Variants in MYH3 observed in about 807,000 individuals in gnomAD.
MYH3 encodes myosin heavy chain 3, also known as myosin-3.
In MYH3, 130 loss-of-function variants were observed where a neutral mutation model predicts 238.0. The ratio of observed to expected loss-of-function variants is 0.55; its 90% CI spans 0.47 to 0.63. The LOEUF (loss-of-function observed/expected upper bound fraction) is 0.63, where lower values mean the gene tolerates loss of function less well. MYH3 is among the 30% of genes least tolerant of loss of function. MYH3 has a pLI of 0.00. For synonymous variants in MYH3, 880 were observed against 924.1 expected (o/e 0.95, Z 0.86); for missense variants, 1,853 against 2,374.9 (o/e 0.78, Z 4.57).
chr17:10,649,804 C>T, intron 6 of MYH3, 119 bp from the exon 7 acceptor site: 2 of 901,944 alleles, frequency 2.2e-6, no homozygotes, highest in Admixed American at 1.8e-5. Context: ...ACACTCACCA[C>T]ACTAATGTGA....
chr17:10,638,798 A>G, intron 26 of MYH3, 75 bp downstream of exon 26: 3 of 1,463,676 alleles, frequency 2.0e-6, no homozygotes, highest in Non-Finnish European at 1.9e-6. Context: ...CTTTCTCTAA[A>G]TGGCTTATAG....
rs2074204544 is a variant in MYH3, at chr17:10,635,405, C to T, written c.4134G>A (p.Thr1378=). Reference sequence around the variant, plus strand: ...GCTCTTCTGTGCGCTGGATGGCGTCCGTCTCGTATTTGGTTCTCCACTGGG... The same window carrying T: ...GCTCTTCTGTGCGCTGGATGGCGTCTGTCTCGTATTTGGTTCTCCACTGGG... ...EVAQWRTKYE[T]DAIQRTEELE... The change falls in exon 30 of 41, where the codon ACG becomes ACA. Residue 1378 remains threonine, a synonymous_variant. Coordinates refer to ENST00000583535, the MANE Select transcript of MYH3 (RefSeq NM_002470.4). 3.7e-6 allele frequency: 6 copies of T among 1,614,016 alleles called. No homozygotes were observed. Among genetic ancestry groups the T allele is most frequent in the East Asian group, 2.2e-5 (1 of 44,882 alleles).
intron 5 of MYH3, among the ~76,000 whole-genome samples, chr17:10,650,649 G>A (rs368403041): frequency 6.6e-6 from 1 of 152,158 alleles, no homozygotes; most frequent in Non-Finnish European, 1.5e-5. Context: ...TTATATGGCA[G>A]AATGATTAAA....
At chr17:10,631,564 C>T (rs758122216) in intron 36 of MYH3, 47 bp downstream of exon 36, 1 of 1,613,962 alleles carries the variant, frequency 6.2e-7, no homozygotes, top group East Asian at 2.2e-5. Flanking sequence ...GGCTTTAATG[C>T]AATGCAATCC....
chr17:10,671,307 TG>T, the MYH3 span, among the ~76,000 whole-genome samples: 1 of 152,202 alleles, frequency 6.6e-6, no homozygotes, highest in African/African-American at 2.4e-5. Context: ...TGCATATCTA[TG>T]ATTCTGTTAA....
chr17:10,634,024 G>C lies in MYH3; in HGVS notation c.4515C>G (p.Asn1505Lys), dbSNP rs1478332093. ...GGGTTTCGAATAGCTTACGCTCTAAGTTCTTATTTTCCCGTTTCACAGTTT... is the reference window on the plus strand; with the variant it reads ...GGGTTTCGAATAGCTTACGCTCTAACTTCTTATTTTCCCGTTTCACAGTTT... ...QLETVKRENK[N>K]LEQEIADLTE... is the part of the protein sequence containing the mutation. The change falls in exon 32 of 41, where the codon AAC becomes AAG. Residue 1505 changes from asparagine (N) to lysine (K), a missense_variant. By Grantham distance (94) the Asn-to-Lys change is moderately conservative. Coordinates refer to ENST00000583535, the MANE Select transcript of MYH3 (RefSeq NM_002470.4). 2 of 1,614,004 alleles carry C rather than the reference G, an allele frequency of 1.2e-6. No individual in the cohort carries two copies. The highest frequency in any genetic ancestry group is 4.5e-5 in the East Asian group (2 of 44,878).
In MYH3 at chr17:10,647,276, A is replaced by T; in HGVS notation, c.804T>A (p.Leu268=). The T allele has an allele frequency of 6.2e-7, 1 of 1,614,082 alleles. No individual in the cohort carries two copies. The highest frequency in any genetic ancestry group is 2.2e-5 in the East Asian group (1 of 44,864). Residue 268 remains leucine, a synonymous_variant, in exon 10 of 41, where the codon CTT becomes CTA. Transcript: ENST00000583535. ...GGAAAGTGACTCTTGATTTTTCCAG[A>T]AGATCTGGAACACAAACACAGGACT... ...KLASADIETY[L]LEKSRVTFQL... is the part of the protein sequence containing the mutation.
chr17:10,632,006 A>G lies in MYH3; in HGVS notation c.4967T>C (p.Leu1656Pro). ...SVQGQLKDTQ[L>P]HLDDALRGQE... is the part of the protein sequence containing the mutation. ...GCCCCGGAGGGCATCATCCAGGTGGAGCTGCGTATCCTAGCCAGAGAAAAA... is the reference window on the plus strand; with the variant it reads ...GCCCCGGAGGGCATCATCCAGGTGGGGCTGCGTATCCTAGCCAGAGAAAAA... Residue 1656 changes from leucine to proline, a missense_variant, in exon 35 of 41, where the codon CTC becomes CCC. By Grantham distance (98) the Leu-to-Pro change is moderately conservative (BLOSUM62 -3). This residue lies in a region of MYH3 where 1,044 missense variants were observed against 1,192.6 expected (regional missense o/e 0.88). Coordinates refer to ENST00000583535, the MANE Select transcript of MYH3 (RefSeq NM_002470.4). The G allele has an allele frequency of 6.2e-7, 1 of 1,613,526 alleles. No individual in the cohort carries two copies. The highest frequency in any genetic ancestry group is 1.1e-5 in the South Asian group (1 of 91,048).
In MYH3 at chr17:10,634,176, C is replaced by T. The variant is rs777454111; in HGVS notation, c.4363G>A (p.Ala1455Thr). The change falls in exon 32 of 41, where the codon GCA becomes ACA. Residue 1455 changes from alanine to threonine, a missense_variant. Ala to Thr is a moderately conservative substitution (Grantham distance 58). Coordinates refer to ENST00000583535, the MANE Select transcript of MYH3 (RefSeq NM_002470.4). ...KKQRNFDKVLAEWKTKCEESQ... is the reference protein window; with the variant it reads ...KKQRNFDKVLTEWKTKCEESQ... ...TCCTCACACTTTGTCTTCCACTCTG[C>T]CAACACCTGAAACACCGGACGGAAG... is the stretch of plus-strand genomic sequence containing the variant. 6.2e-6 allele frequency: 10 copies of T among 1,614,076 alleles called. No individual in the cohort carries two copies. In the South Asian group the frequency reaches 6.6e-5, roughly 11 times the overall value.
rs769237086 is a variant in MYH3, at chr17:10,639,157, G to A, written c.3135C>T (p.Leu1045=). The A allele has an allele frequency of 1.2e-6, 2 of 1,614,088 alleles. No homozygotes were observed. Among genetic ancestry groups the A allele is most frequent in the African/African-American group, 1.3e-5 (1 of 75,040 alleles). The change falls in exon 25 of 41, where the codon CTC becomes CTT. Residue 1045 remains leucine, a synonymous_variant. Transcript: ENST00000583535. ...TTTTGTTCCTTTCCAGGTCTACTCG[G>A]AGCTTCTTTTCTTGTTCTAGGGAGC... ...LESSLEQEKK[L]RVDLERNKRK...
chr17:10,651,461 C>T, intron 5 of MYH3, 51 bp downstream of exon 5: 1 of 1,611,738 alleles, frequency 6.2e-7, no homozygotes, highest in Non-Finnish European at 8.5e-7. Context: ...CTGCCGCTCG[C>T]CTCATGCAGT....
chr17:10,637,433 G>A (rs1300566138), intron 28 of MYH3, among the ~76,000 whole-genome samples: 1 of 152,106 alleles, frequency 6.6e-6, no homozygotes, highest in South Asian at 2.1e-4. Context: ...CAAAAACTTG[G>A]ACGCAGACAA....
the MYH3 span, among the ~76,000 whole-genome samples, chr17:10,666,714 A>G: frequency 1.3e-5 from 2 of 152,274 alleles, no homozygotes; most frequent in East Asian, 1.9e-4. Context: ...GTGAGCTACA[A>G]TCACGCCACT....
the MYH3 span, among the ~76,000 whole-genome samples, chr17:10,670,065 G>T: frequency 6.6e-6 from 1 of 152,212 alleles, no homozygotes; most frequent in Non-Finnish European, 1.5e-5. The surrounding 1 kb of genome is among the most constrained non-coding windows in gnomAD (Gnocchi z 7.0). Flanking sequence ...AGAGGCAGCT[G>T]GGTTATCAGT....
At chr17:10,677,733 G>C in the MYH3 span, 1 of 152,170 alleles carries the variant, frequency 6.6e-6, no homozygotes, top group African/African-American at 2.4e-5. Context: ...TAAACAAGTG[G>C]CATTTCTTAA....
rs1597486586 is a variant in MYH3, at chr17:10,640,368, G to A, written c.2391C>T (p.Leu797=). 3 of 1,614,228 alleles carry A rather than the reference G, an allele frequency of 1.9e-6. No individual in the cohort carries two copies. The change falls in exon 21 of 41, where the codon CTC becomes CTT. Residue 797 remains leucine, a synonymous_variant. Transcript: ENST00000583535. ...TRTQAVCRGF[L]MRVEFQKMVQ... is the part of the protein sequence containing the mutation. Reference sequence around the variant, plus strand: ...CCATCTTCTGGAATTCCACACGCATGAGGAACCCTCTGCACACAGCTTGTG... The same window carrying A: ...CCATCTTCTGGAATTCCACACGCATAAGGAACCCTCTGCACACAGCTTGTG...
chr17:10,663,448 C>A, the MYH3 span, among the ~76,000 whole-genome samples: 1 of 152,182 alleles, frequency 6.6e-6, no homozygotes, highest in South Asian at 2.1e-4. Flanking sequence ...AGGAAGAGTG[C>A]TCGAGAAGTC....
In MYH3 at chr17:10,645,859, G is replaced by A; in HGVS notation, c.1003-14C>T. The A allele has an allele frequency of 6.2e-7, 1 of 1,613,916 alleles. No individual in the cohort carries two copies. The highest frequency in any genetic ancestry group is 1.1e-5 in the South Asian group (1 of 91,068). ...GTCAATGGCGCTCTGGCATGGAAAGGGCAGCACGTCAGTCAGTTGGCCCCA... is the reference window on the plus strand; with the variant it reads ...GTCAATGGCGCTCTGGCATGGAAAGAGCAGCACGTCAGTCAGTTGGCCCCA... On this transcript the variant is annotated splice_polypyrimidine_tract_variant and intron_variant, in intron 11 of 40. Transcript: ENST00000583535.
intron 14 of MYH3, among the ~76,000 whole-genome samples, chr17:10,643,685 C>T (rs2074294064): frequency 6.6e-6 from 1 of 152,172 alleles, no homozygotes; most frequent in African/African-American, 2.4e-5. Flanking sequence ...CGGCTATGCA[C>T]GGTCTAACAC....
Sources: allele counts gnomAD v4.1 joint callset (sites outside exome capture counted in the v4.1 genomes callset), GRCh38; gene constraint gnomAD v4.1.1; regional missense constraint gnomAD v4.1.1; non-coding constraint Gnocchi (gnomAD v3.1); transcripts MANE v1.5; gene names NCBI Gene and HGNC (gene_info 2026-07-23, HGNC 2026-07-21).